CSMD1: variants seen among roughly 807,000 people sequenced by gnomAD.
CSMD1 encodes the protein CUB and Sushi multiple domains 1.
Under a neutral mutation model 417.5 loss-of-function variants are expected in CSMD1, and 213 were observed. The ratio of observed to expected loss-of-function variants is 0.51; its 90% confidence interval spans 0.46 to 0.57. The LOEUF is 0.57. CSMD1 is among the 20% of genes least tolerant of loss of function. The probability of loss-of-function intolerance (pLI) is 0.00; values close to 1 mark genes in which losing one functional copy is unlikely to be tolerated. For missense variants in CSMD1, 6,923 were observed against 4,529.7 expected (o/e 1.53, Z -15.17); for synonymous variants, 2,862 against 1,736.8 (o/e 1.65, Z -16.11).
intron 2 of CSMD1, among the ~76,000 whole-genome samples, chr8:4,486,002 A>T (rs1397299563): frequency 6.6e-6 from 1 of 151,540 alleles, no homozygotes; most frequent in African/African-American, 2.4e-5. Context: ...ATCCCTCCTT[A>T]TGTAATAGCA....
intron 10 of CSMD1, among the ~76,000 whole-genome samples, chr8:3,567,432 T>A (rs1189557803): frequency 1.7e-5 from 2 of 117,642 alleles, no homozygotes; most frequent in African/African-American, 3.2e-5. Context: ...GTTTTAAAAA[T>A]AAAATAAAAA....
intron 5 of CSMD1, among the ~76,000 whole-genome samples, chr8:3,966,372 G>A (rs145514065): frequency 2.0e-5 from 3 of 152,026 alleles, no homozygotes; most frequent in Non-Finnish European, 4.4e-5. Context: ...AAACATCCAA[G>A]TCTTGCGTCT....
At chr8:4,074,273 C>G (rs1398474346) in intron 3 of CSMD1, among the ~76,000 whole-genome samples, 3 of 151,882 alleles carry the variant, frequency 2.0e-5, no homozygotes, top group African/African-American at 7.3e-5. Context: ...TAAAGAAAGT[C>G]ATGAAACGGT....
intron 52 of CSMD1, among the ~76,000 whole-genome samples, chr8:3,014,326 A>G (rs1808657877): frequency 6.6e-6 from 1 of 152,200 alleles, no homozygotes; most frequent in African/African-American, 2.4e-5. Context: ...TACATTTCCA[A>G]AGTTACTTAT....
At chr8:4,167,260 A>T (rs918844273) in intron 3 of CSMD1, among the ~76,000 whole-genome samples, 19 of 152,140 alleles carry the variant, frequency 1.2e-4, no homozygotes, top group Admixed American at 1.1e-3. Context: ...TGAGAAAAAC[A>T]GTTTTTCCTT....
intron 1 of CSMD1, among the ~76,000 whole-genome samples, chr8:4,853,052 C>T (rs984500113): frequency 6.6e-6 from 1 of 152,162 alleles, no homozygotes; most frequent in African/African-American, 2.4e-5. Flanking sequence ...AAAAGGGAAG[C>T]AGAGCATAAA....
chr8:3,219,206 C>A, intron 29 of CSMD1, 49 bp downstream of exon 29: 1 of 1,452,338 alleles, frequency 6.9e-7, no homozygotes, highest in Non-Finnish European at 9.4e-7. Context: ...ACAATAAAAA[C>A]AGTCCTGATA....
intron 7 of CSMD1, among the ~76,000 whole-genome samples, chr8:3,675,294 C>A (rs1251064757): frequency 6.6e-6 from 1 of 152,276 alleles, no homozygotes; most frequent in East Asian, 1.9e-4. Context: ...GGAGGGTTGG[C>A]AGCACTATGC....
At chr8:3,228,227 T>C (rs1344464562) in intron 27 of CSMD1, among the ~76,000 whole-genome samples, 1 of 152,196 alleles carries the variant, frequency 6.6e-6, no homozygotes, top group African/African-American at 2.4e-5. Context: ...TATTACCCTT[T>C]AATATGAAAA....
chr8:4,218,649 A>G (rs1375382326), intron 3 of CSMD1, among the ~76,000 whole-genome samples: 2 of 152,308 alleles, frequency 1.3e-5, no homozygotes, highest in African/African-American at 4.8e-5. Context: ...TGATTTCAGT[A>G]TTAGTGGGAC....
At chr8:4,593,776 G>C (rs117275963) in intron 2 of CSMD1, among the ~76,000 whole-genome samples, 4 of 152,154 alleles carry the variant, frequency 2.6e-5, no homozygotes, top group Admixed American at 6.5e-5. Context: ...TGCAAAAAAG[G>C]TTAGCATGCT....
At chr8:4,554,999 CAGA>C in intron 2 of CSMD1, among the ~76,000 whole-genome samples, 1 of 152,276 alleles carries the variant, frequency 6.6e-6, no homozygotes, top group East Asian at 1.9e-4. Flanking sequence ...AACACAGAGC[CAGA>C]AGGAGAGCAC....
intron 17 of CSMD1, among the ~76,000 whole-genome samples, chr8:3,393,895 G>A (rs1195174374): frequency 3.3e-5 from 5 of 150,212 alleles, no homozygotes; most frequent in Non-Finnish European, 5.9e-5. Context: ...TGTAAATGAC[G>A]AGTTAATGGG....
At chr8:3,548,694 A>T (rs1798781646) in intron 10 of CSMD1, among the ~76,000 whole-genome samples, 1 of 149,844 alleles carries the variant, frequency 6.7e-6, no homozygotes, top group Non-Finnish European at 1.5e-5. Context: ...ACACACACAC[A>T]CACACACCAT....
At chr8:4,429,667 C>T (rs1797759582) in intron 2 of CSMD1, among the ~76,000 whole-genome samples, 1 of 152,058 alleles carries the variant, frequency 6.6e-6, no homozygotes, top group East Asian at 1.9e-4. Flanking sequence ...GCTGGGTACC[C>T]CAAGAGATGG....
intron 2 of CSMD1, among the ~76,000 whole-genome samples, chr8:4,632,886 T>C (rs1397252344): frequency 6.6e-6 from 1 of 152,114 alleles, no homozygotes; most frequent in Non-Finnish European, 1.5e-5. Flanking sequence ...CATTCTCTTG[T>C]AAGGTCAGGT....
At chr8:4,372,806 C>A (rs143693423) in intron 3 of CSMD1, among the ~76,000 whole-genome samples, 176 of 151,348 alleles carry the variant, frequency 1.2e-3, no homozygotes, top group Middle Eastern at 0.01. Context: ...TGAGTGCATA[C>A]TGATAAAAAT....
At chr8:4,539,014 C>T (rs1382284382) in intron 2 of CSMD1, among the ~76,000 whole-genome samples, 1 of 152,202 alleles carries the variant, frequency 6.6e-6, no homozygotes, top group Non-Finnish European at 1.5e-5. Flanking sequence ...AACCTACTCC[C>T]TTGTCAGGCA....
At chr8:4,554,623 T>C (rs568153549) in intron 2 of CSMD1, among the ~76,000 whole-genome samples, 1 of 152,234 alleles carries the variant, frequency 6.6e-6, no homozygotes, top group African/African-American at 2.4e-5. Context: ...GTGTTGATTT[T>C]ACCTTATTGC....
Sources: allele counts gnomAD v4.1 joint callset (sites outside exome capture counted in the v4.1 genomes callset), GRCh38; gene constraint gnomAD v4.1.1; transcripts MANE v1.5; gene names NCBI Gene and HGNC (gene_info 2026-07-23, HGNC 2026-07-21).